Variants in USP43 observed in about 807,000 individuals in gnomAD.
The protein encoded by USP43 is ubiquitin specific peptidase 43.
In USP43, 33 loss-of-function variants were observed where a neutral mutation model predicts 90.7. That is an observed-to-expected ratio of 0.36 (90% confidence interval 0.28 to 0.49). USP43 has a LOEUF of 0.49. Ranked by LOEUF, USP43 falls within the 20% of genes least tolerant of loss-of-function variation. The pLI is 0.98. For missense variants in USP43, 1,274 were observed against 1,476.4 expected (o/e 0.86, Z 2.25); for synonymous variants, 598 against 615.8 (o/e 0.97, Z 0.43).
intron 1 of USP43, among the ~76,000 whole-genome samples, chr17:9,652,121 A>G (rs1032818385): frequency 1.3e-5 from 2 of 151,226 alleles, no homozygotes; most frequent in Admixed American, 1.3e-4. Context: ...ACAGTGGCTC[A>G]TGCCTGTAAT....
In USP43 at chr17:9,701,778, A is replaced by G; in HGVS notation, c.2011+78A>G. On this transcript the variant is annotated intron_variant, in intron 12 of 14. Coordinates refer to ENST00000285199, the MANE Select transcript of USP43 (RefSeq NM_153210.5). This position sits in a 1 kb window ranked among gnomAD's most constrained non-coding sequence, Gnocchi z 7.2. ...TGTCCCTGGAATGGGTGTTGCTCAGATGCTGAGCTCCCTGGGGCACTTATT... is the reference window on the plus strand; with the variant it reads ...TGTCCCTGGAATGGGTGTTGCTCAGGTGCTGAGCTCCCTGGGGCACTTATT... 1 of 1,259,950 alleles carries G rather than the reference A, an allele frequency of 7.9e-7. No homozygotes were observed. The highest frequency in any genetic ancestry group is 1.1e-6 in the Non-Finnish European group (1 of 927,918). 78.0% of individuals were successfully genotyped at this position (1,259,950 alleles called of 1,614,324 possible).
chr17:9,681,450 A>C (rs1365569988), intron 6 of USP43, among the ~76,000 whole-genome samples: 2 of 73,110 alleles, frequency 2.7e-5, no homozygotes, highest in South Asian at 5.8e-4. Context: ...AGATAAATAT[A>C]TATAAAATAT....
At chr17:9,657,983 C>T (rs78273583) in intron 2 of USP43, among the ~76,000 whole-genome samples, 2,721 of 152,236 alleles carry the variant, frequency 0.018, 80 homozygotes, top group African/African-American at 0.061. Flanking sequence ...ACTACATCCA[C>T]GAATAATCTG....
At chr17:9,715,649 GTC>G (rs1049631639) in intron 14 of USP43, among the ~76,000 whole-genome samples, 5 of 146,820 alleles carry the variant, frequency 3.4e-5, no homozygotes, top group Admixed American at 1.4e-4. Context: ...TTGTGTGTGT[GTC>G]TCTATGTGTA....
intron 1 of USP43, among the ~76,000 whole-genome samples, chr17:9,655,873 T>C (rs1912205415): frequency 6.6e-6 from 1 of 152,154 alleles, no homozygotes; most frequent in African/African-American, 2.4e-5. Flanking sequence ...ACATGCATGG[T>C]GTTTAAGGAA....
intron 2 of USP43, among the ~76,000 whole-genome samples, chr17:9,658,610 G>T (rs908404027): frequency 6.6e-6 from 1 of 152,162 alleles, no homozygotes; most frequent in Non-Finnish European, 1.5e-5. Context: ...AGTCATGGTG[G>T]TTTCTCTGGG....
intron 2 of USP43, 114 bp downstream of exon 2, chr17:9,656,648 T>A (rs535526687): frequency 1.6e-5 from 22 of 1,341,352 alleles, no homozygotes; most frequent in Middle Eastern, 2.7e-4. Flanking sequence ...TCCTATATAG[T>A]CTGGCTACTA....
chr17:9,693,697 T>C (rs1483588233), intron 9 of USP43, among the ~76,000 whole-genome samples: 1 of 151,862 alleles, frequency 6.6e-6, no homozygotes, highest in Admixed American at 6.6e-5. Context: ...AATTAGCCGG[T>C]CGTGGTAGCA....
intron 3 of USP43, among the ~76,000 whole-genome samples, chr17:9,671,567 G>A (rs562091719): frequency 8.5e-5 from 13 of 152,342 alleles, no homozygotes; most frequent in Non-Finnish European, 1.5e-4. Flanking sequence ...TTTGGTGGGC[G>A]TTTGTAGCAG....
rs191704509 is a variant in USP43 at position 9,652,177 on chromosome 17, G to C, written c.505-4226G>C. ...AGATGGGAGGACCGCTTGAGGCCAGGAGTTCAGCCTGGTCAACACAGCAAG... is the reference window on the plus strand; with the variant it reads ...AGATGGGAGGACCGCTTGAGGCCAGCAGTTCAGCCTGGTCAACACAGCAAG... On this transcript the variant is annotated intron_variant, in intron 1 of 14. Transcript: ENST00000285199. Among the ~76,000 whole-genome samples the C allele has an allele frequency of 4.2e-3, 600 of 143,060 alleles. 4 individuals carry two copies. Among genetic ancestry groups the C allele is most frequent in the African/African-American group, 0.016 (580 of 37,270 alleles). 93.9% of individuals were successfully genotyped at this position (143,060 alleles called of 152,430 possible). A position where few individuals can be genotyped will look rare whatever the true frequency, so the allele number is the denominator to read the frequency against.
rs138918719 is a variant in USP43, at chr17:9,683,596, A to G, written c.1241+638A>G. On this transcript the variant is annotated intron_variant, in intron 7 of 14. Coordinates refer to ENST00000285199, the MANE Select transcript of USP43 (RefSeq NM_153210.5). Reference sequence around the variant, plus strand: ...TTGAATAATTCATTAACTCTTAGTAATATGAAATACATCATTTTTATCATG... The same window carrying G: ...TTGAATAATTCATTAACTCTTAGTAGTATGAAATACATCATTTTTATCATG... 5.9e-3 allele frequency among the ~76,000 whole-genome samples: 899 copies of G among 152,290 alleles called. 11 individuals carry two copies. The highest frequency in any genetic ancestry group is 0.02 in the African/African-American group (851 of 41,538).
intron 2 of USP43, among the ~76,000 whole-genome samples, chr17:9,660,984 A>G (rs1425556662): frequency 6.6e-6 from 1 of 152,180 alleles, no homozygotes; most frequent in Non-Finnish European, 1.5e-5. Flanking sequence ...CCTTTCCTAG[A>G]AGGAAAGCCA....
chr17:9,729,037 C>A lies in USP43; in HGVS notation c.*47C>A, dbSNP rs777217080. On this transcript the variant is annotated 3_prime_UTR_variant, in exon 15 of 15. Transcript: ENST00000285199. ...GACGCTGGCATTCTTGGGACTTTGC[C>A]AAGCAACTGTAGGCAGCTCATGTTG... 6.8e-7 allele frequency: 1 copy of A among 1,479,024 alleles called. No individual in the cohort carries two copies. The highest frequency in any genetic ancestry group is 9.0e-7 in the Non-Finnish European group (1 of 1,110,594). 91.6% of individuals were successfully genotyped at this position (1,479,024 alleles called of 1,614,324 possible). A position where few individuals can be genotyped will look rare whatever the true frequency, so the allele number is the denominator to read the frequency against.
intron 2 of USP43, among the ~76,000 whole-genome samples, chr17:9,659,057 C>T (rs915821256): frequency 1.3e-5 from 2 of 152,032 alleles, no homozygotes; most frequent in Non-Finnish European, 2.9e-5. Context: ...TGGGGGTGAA[C>T]GTGGGCCAAG....
chr17:9,721,135 C>T (rs1189486772), intron 14 of USP43, among the ~76,000 whole-genome samples: 1 of 151,688 alleles, frequency 6.6e-6, no homozygotes, highest in Admixed American at 6.6e-5. Flanking sequence ...TTTTATACAA[C>T]CATGACCATG....
chr17:9,689,376 C>A (rs893696665), intron 8 of USP43, among the ~76,000 whole-genome samples: 1 of 151,108 alleles, frequency 6.6e-6, no homozygotes, highest in African/African-American at 2.4e-5. Flanking sequence ...GATTAATTTG[C>A]ATGTATTATG....
intron 6 of USP43, 24 bp from the exon 7 acceptor site, chr17:9,682,799 C>A (rs1914373620): frequency 6.2e-7 from 1 of 1,611,532 alleles, no homozygotes; most frequent in East Asian, 2.2e-5. Flanking sequence ...GGAATATGAA[C>A]AAATGTCATT....
Position 9,701,751 on chromosome 17 carries a change from G to A in USP43, c.2011+51G>A. ...AATGCAGCTGTGGCCACAGCCTCGAGATGTCCCTGGAATGGGTGTTGCTCA... is the reference window on the plus strand; with the variant it reads ...AATGCAGCTGTGGCCACAGCCTCGAAATGTCCCTGGAATGGGTGTTGCTCA... On this transcript the variant is annotated intron_variant, in intron 12 of 14. Coordinates refer to ENST00000285199, the MANE Select transcript of USP43 (RefSeq NM_153210.5). The surrounding 1 kb of genome is among the most constrained non-coding windows in gnomAD (Gnocchi z 7.2). The A allele has an allele frequency of 1.4e-6, 2 of 1,444,378 alleles. No homozygotes were observed. The highest frequency in any genetic ancestry group is 1.9e-6 in the Non-Finnish European group (2 of 1,079,856). The allele number at this position is 1,444,378 out of a possible 1,614,324, so 89.5% of individuals were successfully genotyped here.
rs1597879372 is a variant in USP43 at position 9,709,209 on chromosome 17, C to T, written c.2012-747C>T. On this transcript the variant is annotated intron_variant, in intron 12 of 14. Transcript: ENST00000285199. This position sits in a 1 kb window ranked among gnomAD's most constrained non-coding sequence, Gnocchi z 5.0. ...AGAATATTTATGAATTTTCCTTAGA[C>T]GTTTGACTTCAGTTCTTAGAAAGAG... is the stretch of plus-strand genomic sequence containing the variant. Among the ~76,000 whole-genome samples, 4 of 152,144 alleles carry T rather than the reference C, an allele frequency of 2.6e-5. No homozygotes were observed. The South Asian group carries it at 8.3e-4, about 32-fold the overall frequency.
Sources: allele counts gnomAD v4.1 joint callset (sites outside exome capture counted in the v4.1 genomes callset), GRCh38; gene constraint gnomAD v4.1.1; non-coding constraint Gnocchi (gnomAD v3.1); transcripts MANE v1.5; gene names NCBI Gene and HGNC (gene_info 2026-07-23, HGNC 2026-07-21).